KRT8: variants seen among roughly 807,000 people sequenced by gnomAD.
The protein encoded by KRT8 is keratin 8, also known as keratin, type II cytoskeletal 8.
Under a neutral mutation model 43.0 loss-of-function variants are expected in KRT8, and 24 were observed. The ratio of observed to expected loss-of-function variants is 0.56; its 90% CI spans 0.40 to 0.78. The LOEUF (loss-of-function observed/expected upper bound fraction) is 0.78. KRT8 is among the 30% of genes least tolerant of loss of function. KRT8 has a pLI of 0.00. For missense variants in KRT8, 492 were observed against 638.4 expected (o/e 0.77, Z 2.47); for synonymous variants, 214 against 261.2 (o/e 0.82, Z 1.74).
chr12:52,927,189 ACAGGAAGACCCCTT>A (rs1272393527), intron 2 of KRT8, among the ~76,000 whole-genome samples: 2 of 152,188 alleles, frequency 1.3e-5, no homozygotes, highest in Admixed American at 1.3e-4. Flanking sequence ...GAGATTCAGG[ACAGGAAGACCCCTT>A]CACCTTCACC....
chr12:52,919,998 C>T (rs1592175884), intron 2 of KRT8, among the ~76,000 whole-genome samples: 1 of 152,116 alleles, frequency 6.6e-6, no homozygotes, highest in East Asian at 1.9e-4. Flanking sequence ...TCTCATTTTA[C>T]AGACAAGGAA....
At chr12:52,934,008 T>C (rs1942126042) in intron 2 of KRT8, among the ~76,000 whole-genome samples, 1 of 149,922 alleles carries the variant, frequency 6.7e-6, no homozygotes, top group African/African-American at 2.4e-5. Context: ...GGCGGGTGGA[T>C]CACAAGGTCA....
chr12:52,923,571 C>T (rs1201927493), intron 2 of KRT8, among the ~76,000 whole-genome samples: 1 of 152,010 alleles, frequency 6.6e-6, no homozygotes, highest in Non-Finnish European at 1.5e-5. Flanking sequence ...AGGCGCCAGC[C>T]ACCACGCCTG....
chr12:52,926,338 C>A, intron 2 of KRT8: 2 of 752,526 alleles, frequency 2.7e-6, no homozygotes, highest in South Asian at 1.6e-5. Context: ...AGCTGCCCTC[C>A]CCACCCCACC....
In KRT8 at chr12:52,901,238, C is replaced by G. The variant is rs144160425; in HGVS notation, c.534-19G>C. 8.8e-6 allele frequency: 14 copies of G among 1,596,094 alleles called. No homozygotes were observed. The Admixed American group carries it at 1.2e-4, about 13-fold the overall frequency. On this transcript the variant is annotated intron_variant, in intron 2 of 7. Transcript: ENST00000692008. ...CTCATACCTGTGAGGAAAAGACTTA[C>G]AATTAGAGGATGAAGGCAAAAGGGA...
At position 52,945,751 on chromosome 12, in the gene KRT8, G is replaced by A. The variant is rs530861516; in HGVS notation, c.-47+3705C>T. ...GTGGAGAACCATTTCCCCTCTTTCC[G>A]GATTCCCCCCTGCCGAGGCTCATTA... On this transcript the variant is annotated intron_variant, in intron 2 of 6. Transcript: ENST00000546826. Among the ~76,000 whole-genome samples the A allele has an allele frequency of 5.9e-5, 9 of 152,096 alleles. No homozygotes were observed. The East Asian group carries it at 7.7e-4, about 13-fold the overall frequency.
At chr12:52,930,344 A>G (rs191523379) in intron 2 of KRT8, among the ~76,000 whole-genome samples, 170 of 152,076 alleles carry the variant, frequency 1.1e-3, no homozygotes, top group Middle Eastern at 0.01. Flanking sequence ...CACCCTCCTG[A>G]GTAGCTGGGA....
At chr12:52,900,458 T>G in intron 4 of KRT8, 130 bp downstream of exon 4, 1 of 725,472 alleles carries the variant, frequency 1.4e-6, no homozygotes, top group Admixed American at 2.0e-5. Context: ...TATTGGTGGC[T>G]GTAATTAGTC....
At chr12:52,910,780 T>C (rs1941621435), upstream of KRT8, among the ~76,000 whole-genome samples, 3 of 152,158 alleles carry the variant, frequency 2.0e-5, no homozygotes, top group Admixed American at 2.0e-4. Context: ...GCCCTGAGGA[T>C]TCCCCTGGCC....
At chr12:52,926,641 T>C (rs1941997876) in intron 2 of KRT8, among the ~76,000 whole-genome samples, 1 of 152,112 alleles carries the variant, frequency 6.6e-6, no homozygotes, top group African/African-American at 2.4e-5. Context: ...TGATCCACAG[T>C]CATTTAGCAT....
At chr12:52,949,246 G>C (rs750200705) in intron 2 of KRT8, 2 of 1,611,382 alleles carry the variant, frequency 1.2e-6, no homozygotes, top group Non-Finnish European at 1.7e-6. Context: ...GCCCAGCTAC[G>C]GCGCCCGGCC....
intron 1 of KRT8, chr12:52,949,649 C>T (rs755281040): frequency 6.9e-7 from 1 of 1,441,934 alleles, no homozygotes; most frequent in Non-Finnish European, 9.7e-7. Flanking sequence ...TTATACACTC[C>T]TTTGCCTCTT....
At chr12:52,912,888 A>C (rs1941663438) in intron 2 of KRT8, among the ~76,000 whole-genome samples, 1 of 149,164 alleles carries the variant, frequency 6.7e-6, no homozygotes, top group South Asian at 2.1e-4. Flanking sequence ...GCCACTTAGC[A>C]CAGGCAGCGT....
chr12:52,935,737 G>C (rs2120712464), intron 2 of KRT8, among the ~76,000 whole-genome samples: 1 of 151,204 alleles, frequency 6.6e-6, no homozygotes, highest in African/African-American at 2.4e-5. Context: ...TTCAACTCCT[G>C]GCCTCAAGCA....
intron 2 of KRT8, among the ~76,000 whole-genome samples, chr12:52,916,654 G>A (rs1223432050): frequency 3.3e-5 from 5 of 152,176 alleles, no homozygotes; most frequent in East Asian, 1.9e-4. Context: ...TGAACATGCA[G>A]TTTATACTTG....
chr12:52,928,159 T>C (rs1456151320), intron 2 of KRT8, among the ~76,000 whole-genome samples: 1 of 151,944 alleles, frequency 6.6e-6, no homozygotes, highest in African/African-American at 2.4e-5. Flanking sequence ...AGATTGGAGG[T>C]GTCAGTCTGG....
At chr12:52,913,822 G>GC (rs1162851567) in intron 2 of KRT8, among the ~76,000 whole-genome samples, 2 of 152,350 alleles carry the variant, frequency 1.3e-5, no homozygotes, top group Admixed American at 1.3e-4. Context: ...TGCACACACA[G>GC]CCATATATAA....
intron 2 of KRT8, among the ~76,000 whole-genome samples, chr12:52,938,837 T>C (rs1203092761): frequency 6.6e-6 from 1 of 152,056 alleles, no homozygotes; most frequent in East Asian, 1.9e-4. Flanking sequence ...CAGGATTGTC[T>C]TGATCTCCTG....
chr12:52,906,843 T>C, upstream of KRT8: 1 of 449,066 alleles, frequency 2.2e-6, no homozygotes, highest in African/African-American at 2.0e-5. Flanking sequence ...CATCCTTCTC[T>C]AGGAGAGACA....
Sources: gnomAD v4.1 joint callset for allele counts (sites outside exome capture counted in the v4.1 genomes callset) on GRCh38, gnomAD v4.1.1 for gene constraint, MANE v1.5 for transcripts, NCBI Gene and HGNC (gene_info 2026-07-23, HGNC 2026-07-21) for gene names.